The following SH3PXD2A variants were observed in gnomAD, a reference collection of about 807,000 sequenced individuals.
SH3PXD2A encodes SH3 and PX domain-containing protein 2A.
SH3PXD2A carries 32 observed loss-of-function variants against 115.2 expected under a neutral mutation model. The observed-to-expected ratio is 0.28, with a 90% CI of 0.21 to 0.37. SH3PXD2A has a LOEUF of 0.37. Ranked by LOEUF, SH3PXD2A falls within the 10% of genes least tolerant of loss-of-function variation. SH3PXD2A has a pLI of 1.00. For missense variants in SH3PXD2A, 1,328 were observed against 1,498.7 expected, an observed-to-expected ratio of 0.89 and a Z score of 1.88; for synonymous variants, 610 against 629.1, an observed-to-expected ratio of 0.97 and a Z score of 0.45.
chr10:103,737,191 T>C (rs2134187441), intron 3 of SH3PXD2A, among the ~76,000 whole-genome samples: 1 of 152,332 alleles, frequency 6.6e-6, no homozygotes, highest in African/African-American at 2.4e-5. Context: ...CAGCTGGATG[T>C]CGGTAGCTGT....
chr10:103,838,894 G>A (rs1201061440), intron 1 of SH3PXD2A, among the ~76,000 whole-genome samples: 1 of 152,182 alleles, frequency 6.6e-6, no homozygotes, highest in East Asian at 1.9e-4. Flanking sequence ...AAAAAGCAAG[G>A]AAAAGCCAAA....
chr10:103,683,422 G>A (rs1336584095), intron 6 of SH3PXD2A, among the ~76,000 whole-genome samples: 2 of 152,084 alleles, frequency 1.3e-5, no homozygotes, highest in Non-Finnish European at 2.9e-5. Context: ...GCTGAGGCAC[G>A]AGAGCTGAGA....
intron 7 of SH3PXD2A, among the ~76,000 whole-genome samples, chr10:103,662,809 T>C (rs1167753762): frequency 6.6e-6 from 1 of 152,102 alleles, no homozygotes; most frequent in Non-Finnish European, 1.5e-5. Context: ...GAATTCCTAG[T>C]ATACTTTTGT....
Position 103,665,503 on chromosome 10 carries a change from C to T in SH3PXD2A, c.472+3105G>A, listed in dbSNP as rs924189237. 1.3e-5 allele frequency among the ~76,000 whole-genome samples: 2 copies of T among 152,240 alleles called. No homozygotes were observed. Among genetic ancestry groups the T allele is most frequent in the Non-Finnish European group, 2.9e-5 (2 of 68,038 alleles). ...AGGCTATGGCCTCTCTCAGGAGCTG[C>T]TCCAAAGGCTGTGGGATGGACACAC... On this transcript the variant is annotated intron_variant, in intron 7 of 14. Coordinates refer to ENST00000369774, the MANE Select transcript of SH3PXD2A (RefSeq NM_001394015.1). The surrounding 1 kb of genome is among the most constrained non-coding windows in gnomAD (Gnocchi z 4.0).
At chr10:103,670,761 AT>A (rs567053932) in intron 6 of SH3PXD2A, among the ~76,000 whole-genome samples, 223 of 152,352 alleles carry the variant, frequency 1.5e-3, no homozygotes, top group African/African-American at 5.1e-3. Flanking sequence ...AGCAGGAGCA[AT>A]GCTGGCCCAG....
intron 4 of SH3PXD2A, among the ~76,000 whole-genome samples, chr10:103,734,575 C>A (rs1186268059): frequency 6.6e-6 from 1 of 152,058 alleles, no homozygotes; most frequent in Non-Finnish European, 1.5e-5. Context: ...ATGGCAAAAC[C>A]ACGTCTCTAC....
chr10:103,786,085 G>C (rs987436228), intron 2 of SH3PXD2A, among the ~76,000 whole-genome samples: 8 of 151,990 alleles, frequency 5.3e-5, no homozygotes, highest in African/African-American at 1.9e-4. Context: ...GCAAGGAAAC[G>C]AACATACAGA....
Position 103,719,248 on chromosome 10 carries a change from G to A in SH3PXD2A, c.398+5022C>T, listed in dbSNP as rs148682901. ...CCTACTCTGGCTGGGGTGGAGGTGG[G>A]GAGCGGGTGCTGACGAGGTTGGGAA... On this transcript the variant is annotated intron_variant, in intron 5 of 14. Coordinates refer to ENST00000369774, the MANE Select transcript of SH3PXD2A (RefSeq NM_001394015.1). Among the ~76,000 whole-genome samples, 1,242 of 152,342 alleles carry A rather than the reference G, an allele frequency of 8.2e-3. 16 individuals carry two copies. The highest frequency in any genetic ancestry group is 0.029 in the African/African-American group (1,185 of 41,578).
At chr10:103,606,266 G>A (rs1172696468) in intron 13 of SH3PXD2A, among the ~76,000 whole-genome samples, 1 of 151,432 alleles carries the variant, frequency 6.6e-6, no homozygotes, top group East Asian at 1.9e-4. Context: ...CTAGAGTGCA[G>A]TGGAGTAATC....
At chr10:103,740,339 A>C (rs1027121538) in intron 3 of SH3PXD2A, among the ~76,000 whole-genome samples, 1 of 152,174 alleles carries the variant, frequency 6.6e-6, no homozygotes, top group African/African-American at 2.4e-5. Context: ...TTGCACTTGG[A>C]TCATGTCAAG....
intron 9 of SH3PXD2A, among the ~76,000 whole-genome samples, chr10:103,626,296 G>A (rs2036692739): frequency 6.6e-6 from 1 of 152,258 alleles, no homozygotes; most frequent in African/African-American, 2.4e-5. Context: ...CAGGCCTGGA[G>A]GTGGCCCGAG....
chr10:103,626,299 G>A (rs2036692861), intron 9 of SH3PXD2A, among the ~76,000 whole-genome samples: 1 of 152,266 alleles, frequency 6.6e-6, no homozygotes, highest in Non-Finnish European at 1.5e-5. Flanking sequence ...GCCTGGAGGT[G>A]GCCCGAGCAC....
At chr10:103,844,472 T>A (rs1358696596) in intron 1 of SH3PXD2A, among the ~76,000 whole-genome samples, 1 of 152,210 alleles carries the variant, frequency 6.6e-6, no homozygotes, top group African/African-American at 2.4e-5. Flanking sequence ...GGGCCTATCA[T>A]GAAAGAGTTT....
At chr10:103,744,031 C>T (rs1023049805) in intron 3 of SH3PXD2A, among the ~76,000 whole-genome samples, 4 of 152,186 alleles carry the variant, frequency 2.6e-5, no homozygotes, top group Admixed American at 2.0e-4. Flanking sequence ...CCCCTGTCTT[C>T]CTGAAAGCTG....
At chr10:103,704,388 A>T (rs1383982070) in intron 5 of SH3PXD2A, among the ~76,000 whole-genome samples, 1 of 152,184 alleles carries the variant, frequency 6.6e-6, no homozygotes, top group Admixed American at 6.5e-5. Flanking sequence ...TCTGCAGGGT[A>T]AAGCCACTTT....
intron 7 of SH3PXD2A, among the ~76,000 whole-genome samples, chr10:103,664,084 G>T (rs1187545064): frequency 6.6e-6 from 1 of 152,196 alleles, no homozygotes; most frequent in East Asian, 1.9e-4. Context: ...CTCCCACTGT[G>T]CCCCTAGGGG....
At chr10:103,674,997 T>A (rs1450855133) in intron 6 of SH3PXD2A, among the ~76,000 whole-genome samples, 2 of 152,198 alleles carry the variant, frequency 1.3e-5, no homozygotes, top group Non-Finnish European at 2.9e-5. Context: ...CTGCTTCTGA[T>A]GTGGGCAACT....
chr10:103,636,930 C>G (rs1219688202), intron 8 of SH3PXD2A, among the ~76,000 whole-genome samples: 2 of 152,200 alleles, frequency 1.3e-5, no homozygotes, highest in African/African-American at 4.8e-5. Flanking sequence ...GTTGGCGTGA[C>G]CTGAGATAGG....
intron 5 of SH3PXD2A, among the ~76,000 whole-genome samples, chr10:103,712,231 A>C (rs1450333097): frequency 1.3e-5 from 2 of 152,232 alleles, no homozygotes; most frequent in African/African-American, 4.8e-5. Flanking sequence ...ATTATACCTC[A>C]GTAAAGCTGT....
Sources: allele counts gnomAD v4.1 joint callset (sites outside exome capture counted in the v4.1 genomes callset), GRCh38; gene constraint gnomAD v4.1.1; non-coding constraint Gnocchi (gnomAD v3.1); transcripts MANE v1.5; gene names NCBI Gene and HGNC (gene_info 2026-07-23, HGNC 2026-07-21).